The following PPP2R2C variants were observed in gnomAD, a reference collection of about 807,000 sequenced individuals.
The protein encoded by PPP2R2C is protein phosphatase 2 regulatory subunit Bgamma.
PPP2R2C carries 10 observed loss-of-function variants against 45.3 expected under a neutral mutation model. The observed-to-expected ratio is 0.22, with a 90% CI of 0.14 to 0.37. The LOEUF is 0.37. Ranked by LOEUF, PPP2R2C falls within the 10% of genes least tolerant of loss-of-function variation. The probability of loss-of-function intolerance (pLI) is 1.00; values close to 1 mark genes in which losing one functional copy is unlikely to be tolerated. For missense variants in PPP2R2C, 308 were observed against 619.7 expected, an observed-to-expected ratio of 0.50 and a Z score of 5.34; for synonymous variants, 257 against 245.4, an observed-to-expected ratio of 1.05 and a Z score of -0.44.
chr4:6,324,232 G>A lies in PPP2R2C; in HGVS notation c.1053-639C>T, dbSNP rs1438098891. On this transcript the variant is annotated intron_variant, in intron 8 of 8. Transcript: ENST00000382599. This position sits in a 1 kb window ranked among gnomAD's most constrained non-coding sequence, Gnocchi z 4.1. ...AGATCACCTGAGGTTAGGAGTTTGAGACCAGCCTGGCCAACATGATGAAAC... is the reference window on the plus strand; with the variant it reads ...AGATCACCTGAGGTTAGGAGTTTGAAACCAGCCTGGCCAACATGATGAAAC... Among the ~76,000 whole-genome samples, 5 of 152,126 alleles carry A rather than the reference G, an allele frequency of 3.3e-5. No homozygotes were observed. Among genetic ancestry groups the A allele is most frequent in the African/African-American group, 1.2e-4 (5 of 41,418 alleles).
chr4:6,547,234 G>GTAAAAT (rs1397348294), intron 1 of PPP2R2C, among the ~76,000 whole-genome samples: 10 of 151,550 alleles, frequency 6.6e-5, no homozygotes, highest in Non-Finnish European at 1.2e-4. Context: ...TTACACTTCA[G>GTAAAAT]CATGCATCTC....
intron 5 of PPP2R2C, among the ~76,000 whole-genome samples, chr4:6,370,991 T>C (rs1714780101): frequency 6.6e-6 from 1 of 152,092 alleles, no homozygotes; most frequent in Admixed American, 6.5e-5. Flanking sequence ...CTCCATGCCT[T>C]TGGGACAAGA....
intron 1 of PPP2R2C, among the ~76,000 whole-genome samples, chr4:6,444,031 G>A (rs1055058356): frequency 2.1e-4 from 32 of 152,170 alleles, no homozygotes; most frequent in Admixed American, 4.6e-4. Context: ...CCCGTGAGTA[G>A]CCTCCTGCAG....
intron 1 of PPP2R2C, among the ~76,000 whole-genome samples, chr4:6,469,736 G>T (rs139789588): frequency 7.5e-4 from 114 of 152,348 alleles, no homozygotes; most frequent in Middle Eastern, 3.4e-3. Context: ...CTGACATTCT[G>T]ACATTCAAAT....
intron 4 of PPP2R2C, among the ~76,000 whole-genome samples, chr4:6,373,684 G>T (rs558032683): frequency 6.6e-6 from 1 of 152,242 alleles, no homozygotes; most frequent in Non-Finnish European, 1.5e-5. Flanking sequence ...CAGCTGAGAT[G>T]GGAGGTGACA....
chr4:6,346,108 T>C (rs1341936735), intron 6 of PPP2R2C, among the ~76,000 whole-genome samples: 1 of 152,070 alleles, frequency 6.6e-6, no homozygotes, highest in African/African-American at 2.4e-5. Context: ...GGCAGCCAGG[T>C]GAGCCCTGCC....
chr4:6,543,932 G>T (rs1459110653), intron 1 of PPP2R2C, among the ~76,000 whole-genome samples: 2 of 152,100 alleles, frequency 1.3e-5, no homozygotes, highest in South Asian at 2.1e-4. Context: ...TCTGACTTTC[G>T]GCCCCCGAGC....
intron 1 of PPP2R2C, among the ~76,000 whole-genome samples, chr4:6,400,542 C>T (rs190127564): frequency 2.6e-4 from 40 of 152,262 alleles, no homozygotes; most frequent in African/African-American, 9.1e-4. Context: ...GTCCTAAGAC[C>T]AAAAAGTTTG....
chr4:6,342,520 G>A lies in PPP2R2C; in HGVS notation c.790+5326C>T, dbSNP rs375475896. On this transcript the variant is annotated intron_variant, in intron 6 of 8. Coordinates refer to ENST00000382599, the MANE Select transcript of PPP2R2C (RefSeq NM_020416.4). ...TGCGGTTATTATTTCACCCAACACC[G>A]GGCCAGGCACGTCGTTGGGGGCCTA... Among the ~76,000 whole-genome samples the A allele has an allele frequency of 4.6e-5, 7 of 152,242 alleles. No homozygotes were observed. In the East Asian group the frequency reaches 7.7e-4, roughly 17 times the overall value.
rs1439980850 is a variant in PPP2R2C, at chr4:6,321,670, A to AACC, written c.*1631_*1632insGGT. ...TAAAAAACAAAACAAAACAAAACCA[A>AACC]AAAAAAAGTTTGGATTTGGCTGGGT... is the stretch of plus-strand genomic sequence containing the variant. On this transcript the variant is annotated 3_prime_UTR_variant, in exon 9 of 9. Coordinates refer to ENST00000382599, the MANE Select transcript of PPP2R2C (RefSeq NM_020416.4). 441 of 24,832 alleles carry AACC rather than the reference A, an allele frequency of 0.018. 3 individuals are homozygous for AACC. The highest frequency in any genetic ancestry group is 0.11 in the Middle Eastern group (4 of 36). The allele number at this position is 24,832 out of a possible 1,614,324, so 1.5% of individuals were successfully genotyped here.
intron 1 of PPP2R2C, among the ~76,000 whole-genome samples, chr4:6,393,949 G>A (rs998238332): frequency 1.3e-5 from 2 of 152,218 alleles, no homozygotes; most frequent in Non-Finnish European, 2.9e-5. Flanking sequence ...AAGGCAACCA[G>A]GCAGCCTGAG....
intron 3 of PPP2R2C, among the ~76,000 whole-genome samples, chr4:6,377,504 C>T (rs1577125315): frequency 6.6e-6 from 1 of 152,102 alleles, no homozygotes; most frequent in Non-Finnish European, 1.5e-5. Flanking sequence ...CTAAAAAATA[C>T]AAAAATTAGC....
chr4:6,398,962 C>A (rs983512901), intron 1 of PPP2R2C, among the ~76,000 whole-genome samples: 4 of 152,152 alleles, frequency 2.6e-5, no homozygotes, highest in African/African-American at 7.2e-5. Flanking sequence ...GTTCAAAATA[C>A]CCACACTGAG....
rs1184682978 is a variant in PPP2R2C, at chr4:6,331,212, A to G, written c.961-1859T>C. Among the ~76,000 whole-genome samples the G allele has an allele frequency of 6.6e-6, 1 of 152,080 alleles. No individual in the cohort carries two copies. The highest frequency in any genetic ancestry group is 1.5e-5 in the Non-Finnish European group (1 of 68,022). On this transcript the variant is annotated intron_variant, in intron 7 of 8. Coordinates refer to ENST00000382599, the MANE Select transcript of PPP2R2C (RefSeq NM_020416.4). This position sits in a 1 kb window ranked among gnomAD's most constrained non-coding sequence, Gnocchi z 5.9. ...CATGCTGTTCTCTCTGCCGTGCACT[A>G]AGCATCTCCTGCCCTCTAGTGGCAG... is the stretch of plus-strand genomic sequence containing the variant.
intron 1 of PPP2R2C, among the ~76,000 whole-genome samples, chr4:6,398,375 G>A (rs139387984): frequency 2.9e-4 from 44 of 152,164 alleles, no homozygotes; most frequent in Non-Finnish European, 5.1e-4. Context: ...CTTGTAGCCC[G>A]GATGTATAAA....
At chr4:6,556,655 G>A (rs1200902905) in intron 1 of PPP2R2C, among the ~76,000 whole-genome samples, 1 of 152,126 alleles carries the variant, frequency 6.6e-6, no homozygotes, top group Non-Finnish European at 1.5e-5. Context: ...TCATCATCCT[G>A]CAACCTTGTT....
At chr4:6,394,795 C>T (rs1716906503) in intron 1 of PPP2R2C, among the ~76,000 whole-genome samples, 1 of 152,230 alleles carries the variant, frequency 6.6e-6, no homozygotes, top group African/African-American at 2.4e-5. Context: ...TAGACCCCAG[C>T]CGGCAGGCGG....
chr4:6,354,418 C>T (rs116153310), intron 5 of PPP2R2C, among the ~76,000 whole-genome samples: 32 of 152,254 alleles, frequency 2.1e-4, no homozygotes, highest in African/African-American at 7.7e-4. Flanking sequence ...GACCATTGTG[C>T]TGTGTATGTG....
chr4:6,375,785 G>A, intron 4 of PPP2R2C, 34 bp downstream of exon 4: 1 of 1,496,936 alleles, frequency 6.7e-7, no homozygotes, highest in Non-Finnish European at 9.2e-7. Context: ...GTAATAAAGA[G>A]GCGTGTGCCT....
Sources: gnomAD v4.1 joint callset for allele counts (sites outside exome capture counted in the v4.1 genomes callset) on GRCh38, gnomAD v4.1.1 for gene constraint, Gnocchi (gnomAD v3.1) non-coding constraint, MANE v1.5 for transcripts, NCBI Gene and HGNC (gene_info 2026-07-23, HGNC 2026-07-21) for gene names.